Variants in FRMD4A observed in about 807,000 individuals in gnomAD.
FRMD4A encodes FERM domain containing 4A, also known as FERM domain-containing protein 4A.
Under a neutral mutation model 129.1 loss-of-function variants are expected in FRMD4A, and 29 were observed. That is an observed-to-expected ratio of 0.22 (90% CI 0.17 to 0.31). The LOEUF is 0.31. Among genes scored for constraint, FRMD4A ranks in the 10% least tolerant of loss-of-function variants. The pLI, the probability that FRMD4A is intolerant of heterozygous loss-of-function variation, is 1.00. For synonymous variants in FRMD4A, 634 were observed against 571.6 expected (o/e 1.11, Z -1.56); for missense variants, 1,272 against 1,375.8 (o/e 0.92, Z 1.19).
chr10:14,114,343 C>A (rs1223473109), intron 2 of FRMD4A, among the ~76,000 whole-genome samples: 2 of 152,196 alleles, frequency 1.3e-5, no homozygotes, highest in Non-Finnish European at 2.9e-5. Flanking sequence ...CCAGGGCTCA[C>A]TTCCATTGAT....
chr10:14,034,137 G>A (rs1024915416), intron 2 of FRMD4A, among the ~76,000 whole-genome samples: 1 of 152,184 alleles, frequency 6.6e-6, no homozygotes, highest in Non-Finnish European at 1.5e-5. Flanking sequence ...GGTCCCTAGG[G>A]TCCCCCACTA....
rs1844732111 is a variant in FRMD4A, at chr10:14,259,652, C to G, written c.45+70406G>C. On this transcript the variant is annotated intron_variant, in intron 2 of 24. Transcript: ENST00000357447. ...AAACATCAACCACAAATTTTTTAGT[C>G]AGAGAAAATATTCTTTAAAAAGAAA... Among the ~76,000 whole-genome samples the G allele has an allele frequency of 2.6e-5, 4 of 152,142 alleles. 1 individual carries two copies. The South Asian group carries it at 8.3e-4, about 32-fold the overall frequency.
intron 12 of FRMD4A, among the ~76,000 whole-genome samples, chr10:13,708,244 C>T (rs1260243361): frequency 4.6e-5 from 7 of 152,212 alleles, no homozygotes; most frequent in East Asian, 3.9e-4. Context: ...GCTCCTGACC[C>T]TCTCTGACCT....
rs75978020 is a variant in FRMD4A, at chr10:13,894,935, T to A, written c.46-36023A>T. ...GCAAGCTTAGGCAAGTTTCTTAACC[T>A]CTCTGTGCCTCAGTTGAGAACACTC... On this transcript the variant is annotated intron_variant, in intron 2 of 24. Coordinates refer to ENST00000357447, the MANE Select transcript of FRMD4A (RefSeq NM_018027.5). Among the ~76,000 whole-genome samples the A allele has an allele frequency of 0.015, 2,292 of 152,302 alleles. 100 individuals carry two copies. The East Asian group carries it at 0.17, about 11-fold the overall frequency.
At chr10:14,324,840 T>C (rs1843206802) in intron 2 of FRMD4A, among the ~76,000 whole-genome samples, 1 of 152,170 alleles carries the variant, frequency 6.6e-6, no homozygotes, top group South Asian at 2.1e-4. Flanking sequence ...TTTGTATTTT[T>C]AGTAGAGATG....
intron 2 of FRMD4A, among the ~76,000 whole-genome samples, chr10:14,004,280 C>T (rs751322821): frequency 2.0e-5 from 3 of 152,298 alleles, no homozygotes; most frequent in Admixed American, 6.5e-5. Context: ...CGGTGGCTCA[C>T]GCCTATAATC....
chr10:14,213,243 CTAAATAAA>C (rs1354439714), intron 2 of FRMD4A, among the ~76,000 whole-genome samples: 1 of 151,968 alleles, frequency 6.6e-6, no homozygotes, highest in African/African-American at 2.4e-5. Context: ...GACCCTGTCT[CTAAATAAA>C]TAAATAAATA....
At chr10:13,813,044 G>C (rs1368768515) in intron 3 of FRMD4A, among the ~76,000 whole-genome samples, 2 of 152,248 alleles carry the variant, frequency 1.3e-5, no homozygotes, top group Non-Finnish European at 2.9e-5. Context: ...TGTTTGCCAT[G>C]GGCTGTGGCC....
Position 14,159,214 on chromosome 10 carries a change from G to C in FRMD4A, c.45+170844C>G, listed in dbSNP as rs75663353. On this transcript the variant is annotated intron_variant, in intron 2 of 24. Coordinates refer to ENST00000357447, the MANE Select transcript of FRMD4A (RefSeq NM_018027.5). ...GGGCATATAGCCATTAAACTTGAGG[G>C]AGTAAATGTTCCCTAGCTCAAGGCT... Among the ~76,000 whole-genome samples, 7 of 152,274 alleles carry C rather than the reference G, an allele frequency of 4.6e-5. No homozygotes were observed. The East Asian group carries it at 1.3e-3, about 29-fold the overall frequency.
chr10:14,233,629 G>A (rs1328945112), intron 2 of FRMD4A, among the ~76,000 whole-genome samples: 1 of 152,146 alleles, frequency 6.6e-6, no homozygotes, highest in Non-Finnish European at 1.5e-5. Flanking sequence ...AGTTAGTATA[G>A]GATGTAAGAC....
At chr10:13,929,376 T>C (rs2797886) in intron 2 of FRMD4A, among the ~76,000 whole-genome samples, 88,643 of 152,030 alleles carry the variant, frequency 0.58, 26,872 homozygotes, top group Non-Finnish European at 0.7. Flanking sequence ...ACCCTTTGTG[T>C]CCACCTGGCA....
intron 3 of FRMD4A, among the ~76,000 whole-genome samples, chr10:13,856,106 G>C (rs192877297): frequency 2.6e-5 from 4 of 151,488 alleles, no homozygotes; most frequent in African/African-American, 9.7e-5. Flanking sequence ...TAAATAGTGC[G>C]TGTATCTATC....
intron 6 of FRMD4A, among the ~76,000 whole-genome samples, chr10:13,765,121 T>G (rs1363148525): frequency 5.4e-5 from 8 of 148,942 alleles, no homozygotes; most frequent in South Asian, 4.4e-4. Flanking sequence ...TTTGTTTTTT[T>G]TTTTTTTTTT....
chr10:13,761,263 G>A (rs377101534), intron 8 of FRMD4A, among the ~76,000 whole-genome samples: 9 of 152,086 alleles, frequency 5.9e-5, no homozygotes, highest in East Asian at 5.8e-4. Context: ...ACTACATTGA[G>A]AGAAAAAAAG....
intron 2 of FRMD4A, among the ~76,000 whole-genome samples, chr10:14,275,011 C>G (rs1466922976): frequency 6.6e-6 from 1 of 152,232 alleles, no homozygotes; most frequent in East Asian, 1.9e-4. Context: ...TGATCTTAGA[C>G]TGTTCTAGCA....
intron 2 of FRMD4A, among the ~76,000 whole-genome samples, chr10:14,133,475 A>G (rs1004043257): frequency 6.6e-5 from 10 of 152,180 alleles, no homozygotes; most frequent in Admixed American, 4.6e-4. Context: ...ATGCTTGGGC[A>G]TCTCAACAAG....
chr10:13,799,869 A>G (rs1433708542), intron 4 of FRMD4A, among the ~76,000 whole-genome samples: 2 of 152,054 alleles, frequency 1.3e-5, no homozygotes, highest in African/African-American at 4.8e-5. Flanking sequence ...AATCTTGTAC[A>G]ATTAGTTATT....
chr10:14,070,532 A>G (rs184202263), intron 2 of FRMD4A, among the ~76,000 whole-genome samples: 1 of 152,324 alleles, frequency 6.6e-6, no homozygotes, highest in East Asian at 1.9e-4. Flanking sequence ...GGGTATTAGA[A>G]GAGCTGGCAG....
At chr10:14,091,361 T>G (rs1234025249) in intron 2 of FRMD4A, among the ~76,000 whole-genome samples, 1 of 152,084 alleles carries the variant, frequency 6.6e-6, no homozygotes, top group Non-Finnish European at 1.5e-5. Flanking sequence ...AATTGCGCTG[T>G]GTGTATAAAG....
Sources: gnomAD v4.1 joint callset for allele counts (sites outside exome capture counted in the v4.1 genomes callset) on GRCh38, gnomAD v4.1.1 for gene constraint, MANE v1.5 for transcripts, NCBI Gene and HGNC (gene_info 2026-07-23, HGNC 2026-07-21) for gene names.